The following BHLHA9 variants were observed in gnomAD, a reference collection of about 807,000 sequenced individuals.
The protein encoded by BHLHA9 is basic helix-loop-helix family member a9.
For missense variants in BHLHA9, 344 were observed against 365.9 expected (o/e 0.94, Z 0.49); for synonymous variants, 177 against 179.7 (o/e 0.98, Z 0.12).
rs1285837837 is a variant in BHLHA9 at position 1,271,390 on chromosome 17, GAAGAGAAGGAGCTCGCCA to G, written c.*120_*137del. The stretch of plus-strand genomic sequence containing the variant: ...ACTGGACCGGCTGAGACCTGGCGTG[GAAGAGAAGGAGCTCGCCA>G]GAGAGAAGGAGCTCCGGGACCCGGG... On this transcript the variant is annotated 3_prime_UTR_variant, in exon 1 of 1. Coordinates refer to ENST00000391429, the MANE Select transcript of BHLHA9 (RefSeq NM_001164405.2). 1.4e-6 allele frequency: 1 copy of G among 720,702 alleles called. No homozygotes were observed. The highest frequency in any genetic ancestry group is 1.8e-5 in the African/African-American group (1 of 54,234). 44.6% of individuals were successfully genotyped at this position (720,702 alleles called of 1,614,324 possible). A position where few individuals can be genotyped will look rare whatever the true frequency, so the allele number is the denominator to read the frequency against.
In BHLHA9 at chr17:1,271,131, G is replaced by T; in HGVS notation, c.568G>T (p.Ala190Ser). The change falls in exon 1 of 1, where the codon GCG becomes TCG. Residue 190 changes from alanine (A) to serine (S), a missense_variant. Coordinates refer to ENST00000391429, the MANE Select transcript of BHLHA9 (RefSeq NM_001164405.2). The stretch of plus-strand genomic sequence containing the variant: ...GCACGCGCCCCTGGCACGGCCCAGT[G>T]CGGTGGCCGAGGGGCCGGGCCTAGC... ...PPHAPLARPS[A>S]VAEGPGLAQA... The T allele has an allele frequency of 1.6e-6, 2 of 1,234,076 alleles. No individual in the cohort carries two copies. The highest frequency in any genetic ancestry group is 2.0e-6 in the Non-Finnish European group (2 of 989,370). 76.4% of individuals were successfully genotyped at this position (1,234,076 alleles called of 1,614,324 possible).
Position 1,270,743 on chromosome 17 carries a change from G to C in BHLHA9, c.180G>C (p.Pro60=), listed in dbSNP as rs1377189367. The C allele has an allele frequency of 3.6e-6, 5 of 1,392,216 alleles. No homozygotes were observed. The East Asian group carries it at 9.2e-5, about 26-fold the overall frequency. 86.2% of individuals were successfully genotyped at this position (1,392,216 alleles called of 1,614,324 possible). Reference sequence around the variant, plus strand: ...CGGCGGGCAGGAGGCGCGCGCGGCCGGTGCGGTCCAAGGCGCGGCGCATGG... The same window carrying C: ...CGGCGGGCAGGAGGCGCGCGCGGCCCGTGCGGTCCAAGGCGCGGCGCATGG... ...EEPAGRRRAR[P]VRSKARRMAA... The change falls in exon 1 of 1, where the codon CCG becomes CCC. Residue 60 remains proline, a synonymous_variant. Transcript: ENST00000391429.
At position 1,270,643 on chromosome 17, in the gene BHLHA9, G is replaced by C; in HGVS notation, c.80G>C (p.Cys27Ser). Residue 27 changes from cysteine (C) to serine (S), a missense_variant, in exon 1 of 1, where the codon TGC (cysteine) becomes TCC (serine). Coordinates refer to ENST00000391429, the MANE Select transcript of BHLHA9 (RefSeq NM_001164405.2). ...EDSAEDLGGP[C>S]PEPGGDSGVL... ...TCTGCGGAGGACTTGGGGGGCCCCT[G>C]CCCCGAGCCCGGGGGCGATTCGGGG... 1.5e-6 allele frequency: 2 copies of C among 1,306,542 alleles called. No homozygotes were observed. Among genetic ancestry groups the C allele is most frequent in the Non-Finnish European group, 1.9e-6 (2 of 1,034,830 alleles). 80.9% of individuals were successfully genotyped at this position (1,306,542 alleles called of 1,614,324 possible).
chr17:1,271,006 C>A lies in BHLHA9; in HGVS notation c.443C>A (p.Thr148Lys). The change falls in exon 1 of 1, where the codon ACA (threonine) becomes AAA (lysine). Residue 148 changes from threonine (T) to lysine (K), a missense_variant. Transcript: ENST00000391429. The stretch of plus-strand genomic sequence containing the variant: ...GCCGCGCGCGGGGACACCGGGGACA[C>A]AGGCGCCAGCCCCCCGCCGCCTGCA... ...GPAARGDTGD[T>K]GASPPPPAGP... 1 of 1,207,574 alleles carries A rather than the reference C, an allele frequency of 8.3e-7. No homozygotes were observed. Among genetic ancestry groups the A allele is most frequent in the Admixed American group, 4.4e-5 (1 of 22,516 alleles). 74.8% of individuals were successfully genotyped at this position (1,207,574 alleles called of 1,614,324 possible).
chr17:1,270,985 C>G lies in BHLHA9; in HGVS notation c.422C>G (p.Ala141Gly). 8.2e-7 allele frequency: 1 copy of G among 1,222,668 alleles called. No individual in the cohort carries two copies. 75.7% of individuals were successfully genotyped at this position (1,222,668 alleles called of 1,614,324 possible). A position where few individuals can be genotyped will look rare whatever the true frequency, so the allele number is the denominator to read the frequency against. Residue 141 changes from alanine to glycine, a missense_variant, in exon 1 of 1, where the codon GCG (alanine) becomes GGG (glycine). Coordinates refer to ENST00000391429, the MANE Select transcript of BHLHA9 (RefSeq NM_001164405.2). ...CGHLECHGPAARGDTGDTGAS... is the reference protein window; with the variant it reads ...CGHLECHGPAGRGDTGDTGAS... ...CACCTGGAGTGCCACGGCCCGGCCG[C>G]GCGCGGGGACACCGGGGACACAGGC...
Position 1,271,384 on chromosome 17 carries a change from G to A in BHLHA9, c.*113G>A. 1.3e-6 allele frequency: 1 copy of A among 778,832 alleles called. No individual in the cohort carries two copies. Among genetic ancestry groups the A allele is most frequent in the Non-Finnish European group, 1.8e-6 (1 of 562,432 alleles). 48.2% of individuals were successfully genotyped at this position (778,832 alleles called of 1,614,324 possible). A position where few individuals can be genotyped will look rare whatever the true frequency, so the allele number is the denominator to read the frequency against. On this transcript the variant is annotated 3_prime_UTR_variant, in exon 1 of 1. Transcript: ENST00000391429. ...AGCAGAACTGGACCGGCTGAGACCT[G>A]GCGTGGAAGAGAAGGAGCTCGCCAG...
At position 1,271,036 on chromosome 17, in the gene BHLHA9, C is replaced by G; in HGVS notation, c.473C>G (p.Pro158Arg). 4 of 1,187,100 alleles carry G rather than the reference C, an allele frequency of 3.4e-6. No homozygotes were observed. Among genetic ancestry groups the G allele is most frequent in the Non-Finnish European group, 4.2e-6 (4 of 961,786 alleles). The allele number at this position is 1,187,100 out of a possible 1,614,324, so 73.5% of individuals were successfully genotyped here. The change falls in exon 1 of 1, where the codon CCC (proline) becomes CGC (arginine). Residue 158 changes from proline to arginine, a missense_variant. By Grantham distance (103) the Pro-to-Arg change is moderately radical. Coordinates refer to ENST00000391429, the MANE Select transcript of BHLHA9 (RefSeq NM_001164405.2). The stretch of plus-strand genomic sequence containing the variant: ...GCCAGCCCCCCGCCGCCTGCAGGGC[C>G]CAGCCTCGCGCGCCCAGACGCCGCC... The part of the protein sequence containing the change: ...TGASPPPPAG[P>R]SLARPDAARP...
Sources: gnomAD v4.1 joint callset for allele counts on GRCh38, gnomAD v4.1.1 for gene constraint, MANE v1.5 for transcripts, NCBI Gene and HGNC (gene_info 2026-07-23, HGNC 2026-07-21) for gene names.